The following PIK3CA variants were observed in gnomAD, a reference collection of about 807,000 sequenced individuals.
The protein encoded by PIK3CA is phosphatidylinositol 4,5-bisphosphate 3-kinase catalytic subunit alpha isoform.
Under a neutral mutation model 138.2 loss-of-function variants are expected in PIK3CA, and 27 were observed. The ratio of observed to expected loss-of-function variants is 0.20; its 90% CI spans 0.14 to 0.27. The LOEUF (loss-of-function observed/expected upper bound fraction) is 0.27. Ranked by LOEUF, PIK3CA falls within the 10% of genes least tolerant of loss-of-function variation. The probability of loss-of-function intolerance (pLI) is 1.00; values close to 1 mark genes in which losing one functional copy is unlikely to be tolerated. For synonymous variants in PIK3CA, 358 were observed against 413.2 expected (o/e 0.87, Z 1.62); for missense variants, 544 against 1,277.4 (o/e 0.43, Z 8.75).
At chr3:179,160,657 A>G (rs78687806) in intron 1 of PIK3CA, among the ~76,000 whole-genome samples, 240 of 152,206 alleles carry the variant, frequency 1.6e-3, no homozygotes, top group Middle Eastern at 3.4e-3. Context: ...TCTTAATTCT[A>G]TGTATATTTT....
At chr3:179,184,318 C>T (rs1365647972) in intron 1 of PIK3CA, among the ~76,000 whole-genome samples, 1 of 152,170 alleles carries the variant, frequency 6.6e-6, no homozygotes, top group East Asian at 1.9e-4. Flanking sequence ...CCAGCTAGGA[C>T]AATGACATAC....
chr3:179,205,607 A>G (rs982933657), intron 6 of PIK3CA, among the ~76,000 whole-genome samples: 4 of 152,178 alleles, frequency 2.6e-5, no homozygotes, highest in African/African-American at 9.6e-5. Context: ...TTTGGTAGCA[A>G]ATTAATTTGT....
chr3:179,191,786 G>A (rs953031311), intron 1 of PIK3CA, among the ~76,000 whole-genome samples: 5 of 151,900 alleles, frequency 3.3e-5, no homozygotes, highest in African/African-American at 1.2e-4. Context: ...ACAGGCTCCC[G>A]CCACCAGGGC....
At chr3:179,173,625 G>A (rs1723620949) in intron 1 of PIK3CA, among the ~76,000 whole-genome samples, 1 of 151,976 alleles carries the variant, frequency 6.6e-6, no homozygotes, top group Admixed American at 6.6e-5. Flanking sequence ...AAAATGGATT[G>A]ATGGTTCATA....
At chr3:179,169,997 C>T (rs1338573030) in intron 1 of PIK3CA, among the ~76,000 whole-genome samples, 8 of 152,194 alleles carry the variant, frequency 5.3e-5, no homozygotes, top group Admixed American at 2.0e-4. Context: ...TTAATTCTCT[C>T]TCTTTCCCTG....
At chr3:179,151,516 C>T (rs1465802560) in intron 1 of PIK3CA, among the ~76,000 whole-genome samples, 1 of 152,190 alleles carries the variant, frequency 6.6e-6, no homozygotes, top group Non-Finnish European at 1.5e-5. Flanking sequence ...TTTAAAAGTA[C>T]TCTGGTCTCA....
At chr3:179,163,830 T>A (rs1421968289) in intron 1 of PIK3CA, among the ~76,000 whole-genome samples, 1 of 152,134 alleles carries the variant, frequency 6.6e-6, no homozygotes, top group African/African-American at 2.4e-5. Flanking sequence ...ATTTTTCTAA[T>A]GATGTTTTTG....
intron 1 of PIK3CA, among the ~76,000 whole-genome samples, chr3:179,160,679 A>G (rs1177818072): frequency 6.6e-6 from 1 of 152,188 alleles, no homozygotes; most frequent in Non-Finnish European, 1.5e-5. Flanking sequence ...TATATTGTGT[A>G]TATAGTTCTA....
intron 14 of PIK3CA, among the ~76,000 whole-genome samples, chr3:179,223,429 C>T (rs1032135001): frequency 1.3e-5 from 2 of 152,156 alleles, no homozygotes; most frequent in Non-Finnish European, 2.9e-5. Flanking sequence ...TAGCCACATA[C>T]TAAAACCTGA....
chr3:179,227,011 A>G (rs900631602), intron 17 of PIK3CA, among the ~76,000 whole-genome samples: 2 of 152,086 alleles, frequency 1.3e-5, no homozygotes, highest in African/African-American at 2.4e-5. Context: ...GACTGTAAAA[A>G]AGATTATAGA....
At chr3:179,153,079 C>G (rs1430560556) in intron 1 of PIK3CA, among the ~76,000 whole-genome samples, 2 of 152,048 alleles carry the variant, frequency 1.3e-5, no homozygotes, top group Non-Finnish European at 2.9e-5. Context: ...GTTCACCAAA[C>G]CTTAAAATTC....
chr3:179,195,685 A>C (rs1470955363), intron 1 of PIK3CA, among the ~76,000 whole-genome samples: 1 of 152,172 alleles, frequency 6.6e-6, no homozygotes, highest in Non-Finnish European at 1.5e-5. Context: ...TATGGGCTTT[A>C]AAATAATCTA....
intron 4 of PIK3CA, among the ~76,000 whole-genome samples, chr3:179,201,817 A>G (rs1302596936): frequency 6.6e-6 from 1 of 151,994 alleles, no homozygotes; most frequent in Non-Finnish European, 1.5e-5. Context: ...CATGTTATCT[A>G]GGATAGTCTT....
chr3:179,210,815 G>A (rs996556864), intron 9 of PIK3CA, among the ~76,000 whole-genome samples: 2 of 152,220 alleles, frequency 1.3e-5, no homozygotes, highest in African/African-American at 4.8e-5. Flanking sequence ...AAAGCACTGG[G>A]AAAGGCACTA....
intron 1 of PIK3CA, among the ~76,000 whole-genome samples, chr3:179,171,233 AT>A (rs1170841440): frequency 6.6e-6 from 1 of 152,190 alleles, no homozygotes; most frequent in East Asian, 1.9e-4. Context: ...AATAGAAAAT[AT>A]TTTTAACTGA....
At chr3:179,160,224 C>G (rs1482944511) in intron 1 of PIK3CA, among the ~76,000 whole-genome samples, 1 of 152,182 alleles carries the variant, frequency 6.6e-6, no homozygotes, top group Non-Finnish European at 1.5e-5. Flanking sequence ...TACGGGATCA[C>G]TGTTGTATAT....
At chr3:179,179,062 ATCC>A (rs1723775601) in intron 1 of PIK3CA, among the ~76,000 whole-genome samples, 1 of 152,244 alleles carries the variant, frequency 6.6e-6, no homozygotes, top group African/African-American at 2.4e-5. Context: ...CAGGGTAGGA[ATCC>A]TCCTAAAATC....
chr3:179,154,073 A>T (rs1436017282), intron 1 of PIK3CA, among the ~76,000 whole-genome samples: 1 of 152,196 alleles, frequency 6.6e-6, no homozygotes, highest in Non-Finnish European at 1.5e-5. Context: ...AGGGAGTTTT[A>T]AGTTAAAATA....
At chr3:179,189,862 T>C (rs1011235683) in intron 1 of PIK3CA, among the ~76,000 whole-genome samples, 2 of 152,194 alleles carry the variant, frequency 1.3e-5, no homozygotes, top group Admixed American at 6.5e-5. Context: ...AAATCTGTTT[T>C]CTCACGGCCA....
Sources: gnomAD v4.1 joint callset for allele counts (sites outside exome capture counted in the v4.1 genomes callset) on GRCh38, gnomAD v4.1.1 for gene constraint, MANE v1.5 for transcripts, NCBI Gene and HGNC (gene_info 2026-07-23, HGNC 2026-07-21) for gene names.